Variants in CHD6 observed in about 807,000 individuals in gnomAD.
CHD6 encodes chromodomain helicase DNA binding protein 6.
CHD6 carries 50 observed loss-of-function variants against 276.9 expected under a neutral mutation model. The observed-to-expected ratio is 0.18, with a 90% confidence interval of 0.14 to 0.23. The LOEUF is 0.23. CHD6 is among the 10% of genes least tolerant of loss of function. CHD6 has a pLI of 1.00. For synonymous variants in CHD6, 1,173 were observed against 1,229.3 expected (o/e 0.95, Z 0.96); for missense variants, 2,564 against 3,365.8 (o/e 0.76, Z 5.89).
Position 41,417,163 on chromosome 20 carries a change from T to TG in CHD6, c.6279+34dup. On this transcript the variant is annotated intron_variant, in intron 32 of 36. Transcript: ENST00000373233. ...AAGCAATTCAAAGCTGGGAATGGTT[T>TG]GGGGGTAGGGTGGGAAACGCAAGCT... is the stretch of plus-strand genomic sequence containing the variant. The TG allele has an allele frequency of 1.9e-6, 3 of 1,580,830 alleles. No individual in the cohort carries two copies. The South Asian group carries it at 3.5e-5, about 18-fold the overall frequency.
At chr20:41,487,026 C>G (rs1334564288) in intron 14 of CHD6, among the ~76,000 whole-genome samples, 4 of 152,214 alleles carry the variant, frequency 2.6e-5, no homozygotes, top group Non-Finnish European at 5.9e-5. Flanking sequence ...CCTCTTATGG[C>G]ACGTACATTT....
chr20:41,613,499 A>G (rs1239117219), intron 1 of CHD6, among the ~76,000 whole-genome samples: 2 of 152,198 alleles, frequency 1.3e-5, no homozygotes, highest in Admixed American at 6.5e-5. Flanking sequence ...AATGGCTTCC[A>G]TGTGATCATG....
At chr20:41,577,540 G>C (rs1490000766) in intron 1 of CHD6, among the ~76,000 whole-genome samples, 1 of 152,160 alleles carries the variant, frequency 6.6e-6, no homozygotes, top group East Asian at 1.9e-4. Context: ...ACATTAAGAA[G>C]GACTTTCCAA....
At chr20:41,470,165 C>T (rs1271162156) in intron 17 of CHD6, among the ~76,000 whole-genome samples, 1 of 152,102 alleles carries the variant, frequency 6.6e-6, no homozygotes, top group Non-Finnish European at 1.5e-5. Context: ...CTCTCTTCCT[C>T]ATCACACCAA....
In CHD6 at chr20:41,403,581, A is replaced by G; in HGVS notation, c.*1012T>C. 1 of 1,063,320 alleles carries G rather than the reference A, an allele frequency of 9.4e-7. No individual in the cohort carries two copies. Among genetic ancestry groups the G allele is most frequent in the Non-Finnish European group, 1.1e-6 (1 of 878,020 alleles). The allele number at this position is 1,063,320 out of a possible 1,614,324, so 65.9% of individuals were successfully genotyped here. A position where few individuals can be genotyped will look rare whatever the true frequency, so the allele number is the denominator to read the frequency against. The stretch of plus-strand genomic sequence containing the variant: ...AGGGTGGCACACATTTGACAGCCTC[A>G]GACACTCTTGATCAAAGGACCTACT... On this transcript the variant is annotated 3_prime_UTR_variant, in exon 37 of 37. Transcript: ENST00000373233.
intron 32 of CHD6, 72 bp from the exon 33 acceptor site, chr20:41,416,866 G>A: frequency 2.3e-6 from 3 of 1,300,718 alleles, no homozygotes; most frequent in Non-Finnish European, 3.1e-6. Flanking sequence ...TTGAGATCAA[G>A]GGTTAAGCTT....
chr20:41,426,811 C>T (rs889706877), intron 27 of CHD6, among the ~76,000 whole-genome samples: 49 of 152,264 alleles, frequency 3.2e-4, no homozygotes, highest in Admixed American at 2.6e-4. Context: ...TTCTTGGTCT[C>T]AGGAATGGAA....
intron 27 of CHD6, among the ~76,000 whole-genome samples, chr20:41,431,352 C>T (rs1393515754): frequency 6.6e-6 from 1 of 152,110 alleles, no homozygotes; most frequent in African/African-American, 2.4e-5. Flanking sequence ...TAAATAAATA[C>T]CATACATTCT....
chr20:41,610,394 G>A (rs2045874378), intron 1 of CHD6, among the ~76,000 whole-genome samples: 2 of 152,224 alleles, frequency 1.3e-5, no homozygotes, highest in East Asian at 1.9e-4. Flanking sequence ...TGGAAAGGGA[G>A]GAGAGGATAA....
chr20:41,541,109 C>T (rs2044933674), intron 2 of CHD6, among the ~76,000 whole-genome samples: 1 of 151,468 alleles, frequency 6.6e-6, no homozygotes, highest in Non-Finnish European at 1.5e-5. Context: ...TCAGCAAAGA[C>T]ATCTGTGTGG....
At chr20:41,614,432 C>CA (rs200172459) in intron 1 of CHD6, among the ~76,000 whole-genome samples, 2,376 of 151,214 alleles carry the variant, frequency 0.016, 21 homozygotes, top group African/African-American at 0.025. Flanking sequence ...TTCATCAATT[C>CA]AAAAAAAAAT....
At chr20:41,522,492 C>T (rs1316032369) in intron 3 of CHD6, among the ~76,000 whole-genome samples, 2 of 152,042 alleles carry the variant, frequency 1.3e-5, no homozygotes, top group East Asian at 1.9e-4. Flanking sequence ...AAAATGTCTC[C>T]CTGCAGATTA....
At chr20:41,431,822 A>C (rs1489672655) in intron 27 of CHD6, among the ~76,000 whole-genome samples, 1 of 140,820 alleles carries the variant, frequency 7.1e-6, no homozygotes, top group African/African-American at 2.8e-5. Flanking sequence ...GGAGGTAAAG[A>C]AGCGGGCTAC....
chr20:41,521,555 A>C (rs1025575883), intron 3 of CHD6, among the ~76,000 whole-genome samples: 1 of 152,054 alleles, frequency 6.6e-6, no homozygotes, highest in Non-Finnish European at 1.5e-5. Flanking sequence ...CACATATAAT[A>C]TGTGTGTAGA....
chr20:41,601,763 T>C (rs2045775706), intron 1 of CHD6, among the ~76,000 whole-genome samples: 1 of 152,226 alleles, frequency 6.6e-6, no homozygotes, highest in Non-Finnish European at 1.5e-5. Context: ...CAAAATTTCA[T>C]GTGGTGTTAA....
chr20:41,491,213 T>A (rs925397816), intron 11 of CHD6, among the ~76,000 whole-genome samples: 2 of 151,836 alleles, frequency 1.3e-5, no homozygotes, highest in African/African-American at 2.4e-5. Context: ...TCCAATTTTT[T>A]AAAAAACTTT....
chr20:41,447,362 A>G (rs1438095275), intron 24 of CHD6, among the ~76,000 whole-genome samples: 4 of 152,224 alleles, frequency 2.6e-5, no homozygotes, highest in African/African-American at 9.6e-5. Flanking sequence ...GAAGCTGAGA[A>G]CCTGGTAGCC....
intron 30 of CHD6, among the ~76,000 whole-genome samples, chr20:41,422,907 C>T (rs907264789): frequency 6.6e-6 from 1 of 152,202 alleles, no homozygotes; most frequent in Non-Finnish European, 1.5e-5. Flanking sequence ...ACTGAGTAGG[C>T]TCAATGGTTG....
chr20:41,590,163 G>A (rs150062577), intron 1 of CHD6, among the ~76,000 whole-genome samples: 167 of 152,332 alleles, frequency 1.1e-3, no homozygotes, highest in African/African-American at 3.8e-3. Context: ...CTAGCCATAT[G>A]TAGAAAGCTG....
Sources: allele counts gnomAD v4.1 joint callset (sites outside exome capture counted in the v4.1 genomes callset), GRCh38; gene constraint gnomAD v4.1.1; transcripts MANE v1.5; gene names NCBI Gene and HGNC (gene_info 2026-07-23, HGNC 2026-07-21).